Variants in THTPA observed in about 807,000 individuals in gnomAD.
THTPA encodes the protein thiamine-triphosphatase.
In THTPA, 16 loss-of-function variants were observed where a neutral mutation model predicts 16.5. The ratio of observed to expected loss-of-function variants is 0.97; its 90% CI spans 0.66 to 1.47. The LOEUF (loss-of-function observed/expected upper bound fraction) is 1.47, where lower values mean the gene tolerates loss of function less well. THTPA is among the 40% of genes most tolerant of loss of function. The pLI, the probability that THTPA is intolerant of heterozygous loss-of-function variation, is 0.00. For synonymous variants in THTPA, 110 were observed against 115.5 expected, an observed-to-expected ratio of 0.95 and a Z score of 0.30; for missense variants, 281 against 280.9, an observed-to-expected ratio of 1.00 and a Z score of 0.00.
the THTPA span, among the ~76,000 whole-genome samples, chr14:23,516,549 G>A: frequency 6.6e-6 from 1 of 152,200 alleles, no homozygotes; most frequent in African/African-American, 2.4e-5. Flanking sequence ...AGATTCTGAA[G>A]GCTGGCTGCC....
At chr14:23,522,176 A>G in the THTPA span, 1 of 1,495,988 alleles carries the variant, frequency 6.7e-7, no homozygotes, top group Non-Finnish European at 8.9e-7. Context: ...ACTCAGCAGC[A>G]CCTCACATGC....
chr14:23,522,799 A>G, the THTPA span: 1 of 1,536,272 alleles, frequency 6.5e-7, no homozygotes, highest in Non-Finnish European at 8.7e-7. Flanking sequence ...GGACAGGGTC[A>G]GTGGTGCCTG....
At chr14:23,543,185 A>G in the THTPA span, 1 of 152,256 alleles carries the variant, frequency 6.6e-6, no homozygotes, top group Admixed American at 6.5e-5. Flanking sequence ...GCCATGGGCC[A>G]GGCACCGTGC....
At chr14:23,527,662 A>C in the THTPA span, 2 of 1,536,372 alleles carry the variant, frequency 1.3e-6, no homozygotes, top group Admixed American at 3.9e-5. Context: ...GCTAAGGTGG[A>C]AGTGCAGGGC....
chr14:23,533,167 A>G, the THTPA span: 1 of 1,447,850 alleles, frequency 6.9e-7, no homozygotes, highest in Non-Finnish European at 9.1e-7. This position sits in a 1 kb window ranked among gnomAD's most constrained non-coding sequence, Gnocchi z 4.8. Flanking sequence ...GTTAATGAGT[A>G]GGATAGTGCT....
chr14:23,551,743 C>A, upstream of THTPA: 2 of 153,494 alleles, frequency 1.3e-5, no homozygotes, highest in South Asian at 3.6e-4. This position sits in a 1 kb window ranked among gnomAD's most constrained non-coding sequence, Gnocchi z 5.3. Flanking sequence ...TGGCTGGAGT[C>A]TAGGCGTCCC....
At chr14:23,524,187 T>C in the THTPA span, 2 of 1,536,182 alleles carry the variant, frequency 1.3e-6, no homozygotes, top group Non-Finnish European at 1.7e-6. The surrounding 1 kb of genome is among the most constrained non-coding windows in gnomAD (Gnocchi z 5.6). Flanking sequence ...CCAGGGGTGC[T>C]TCGAAACTGG....
In THTPA at chr14:23,558,939, C is replaced by T. The variant is rs1882908589; in HGVS notation, c.*99C>T. 2.1e-6 allele frequency: 3 copies of T among 1,396,652 alleles called. No individual in the cohort carries two copies. Among genetic ancestry groups the T allele is most frequent in the Non-Finnish European group, 2.9e-6 (3 of 1,017,940 alleles). 86.5% of individuals were successfully genotyped at this position (1,396,652 alleles called of 1,614,324 possible). On this transcript the variant is annotated 3_prime_UTR_variant, in exon 2 of 2. Transcript: ENST00000288014. ...CCCTCAGTGTCCCTTCTGACAGTGACTCCTCTCTCTCCAGCGCTGCCTGTT... is the reference window on the plus strand; with the variant it reads ...CCCTCAGTGTCCCTTCTGACAGTGATTCCTCTCTCTCCAGCGCTGCCTGTT...
At chr14:23,558,583 C>G (rs1882841601) in intron 1 of THTPA, 112 bp from the exon 2 acceptor site, 1 of 1,394,560 alleles carries the variant, frequency 7.2e-7, no homozygotes, top group African/African-American at 1.4e-5. Context: ...ACATTCAGAA[C>G]CCCAGTGTGG....
At chr14:23,540,627 C>T in the THTPA span, among the ~76,000 whole-genome samples, 3 of 152,218 alleles carry the variant, frequency 2.0e-5, no homozygotes, top group African/African-American at 7.2e-5. Context: ...TGGATCCACA[C>T]ACAGAGAGCC....
chr14:23,535,364 C>T, the THTPA span: 4 of 1,439,276 alleles, frequency 2.8e-6, no homozygotes, highest in East Asian at 5.0e-5. This position sits in a 1 kb window ranked among gnomAD's most constrained non-coding sequence, Gnocchi z 4.5. Context: ...GTCAGCGTGA[C>T]AGCCAGTACC....
the THTPA span, chr14:23,523,947 G>A: frequency 1.3e-6 from 2 of 1,535,990 alleles, no homozygotes; most frequent in Non-Finnish European, 1.7e-6. The surrounding 1 kb of genome is among the most constrained non-coding windows in gnomAD (Gnocchi z 4.1). Flanking sequence ...GGGGGAGGTA[G>A]GAGAGGTAGA....
the THTPA span, chr14:23,533,102 A>T: frequency 9.4e-6 from 14 of 1,494,932 alleles, no homozygotes; most frequent in African/African-American, 1.7e-4. This position sits in a 1 kb window ranked among gnomAD's most constrained non-coding sequence, Gnocchi z 4.8. Context: ...ACAGAGACAG[A>T]TTAGTGGCCC....
chr14:23,532,692 G>A, the THTPA span: 1 of 1,530,054 alleles, frequency 6.5e-7, no homozygotes, highest in Non-Finnish European at 8.7e-7. Flanking sequence ...GACCCATAAG[G>A]AGCCCCATCT....
At chr14:23,535,001 C>G in the THTPA span, 7 of 1,536,010 alleles carry the variant, frequency 4.6e-6, no homozygotes, top group African/African-American at 1.4e-5. This position sits in a 1 kb window ranked among gnomAD's most constrained non-coding sequence, Gnocchi z 4.5. Context: ...TTGCTTAGGT[C>G]CATGGGAGGG....
the THTPA span, chr14:23,526,226 G>A: frequency 1.1e-5 from 17 of 1,536,262 alleles, no homozygotes; most frequent in Non-Finnish European, 1.2e-5. Context: ...AGCAGTGGTG[G>A]TGGGTGGGGC....
At chr14:23,552,529 G>A (rs1882052872), upstream of THTPA, among the ~76,000 whole-genome samples, 1 of 152,114 alleles carries the variant, frequency 6.6e-6, no homozygotes, top group South Asian at 2.1e-4. Flanking sequence ...CTGACCTTGT[G>A]ATCCGCCTGC....
chr14:23,551,159 C>G (rs117137240), upstream of THTPA, among the ~76,000 whole-genome samples: 65 of 152,050 alleles, frequency 4.3e-4, no homozygotes, highest in East Asian at 0.013. This position sits in a 1 kb window ranked among gnomAD's most constrained non-coding sequence, Gnocchi z 5.3. Flanking sequence ...GGCTCTCGGT[C>G]TGTCTGTCCG....
At chr14:23,557,850 C>T (rs141721844) in intron 1 of THTPA, among the ~76,000 whole-genome samples, 1 of 152,354 alleles carries the variant, frequency 6.6e-6, no homozygotes, top group African/African-American at 2.4e-5. Flanking sequence ...GACCCAGGAT[C>T]TTCAGATCAT....
Sources: gnomAD v4.1 joint callset for allele counts (sites outside exome capture counted in the v4.1 genomes callset) on GRCh38, gnomAD v4.1.1 for gene constraint, Gnocchi (gnomAD v3.1) non-coding constraint, MANE v1.5 for transcripts, NCBI Gene and HGNC (gene_info 2026-07-23, HGNC 2026-07-21) for gene names.